CACNA1E: variants seen among roughly 807,000 people sequenced by gnomAD.
The protein encoded by CACNA1E is voltage-dependent R-type calcium channel subunit alpha-1E.
In CACNA1E, 40 loss-of-function variants were observed where a neutral mutation model predicts 259.2. That is an observed-to-expected ratio of 0.15 (90% CI 0.12 to 0.20). CACNA1E has a LOEUF of 0.20. Ranked by LOEUF, CACNA1E falls within the 10% of genes least tolerant of loss-of-function variation. The pLI is 1.00. For missense variants in CACNA1E, 1,874 were observed against 3,040.1 expected (o/e 0.62, Z 9.02); for synonymous variants, 1,104 against 1,138.5 (o/e 0.97, Z 0.61).
intron 26 of CACNA1E, among the ~76,000 whole-genome samples, chr1:181,751,060 G>A (rs1367672428): frequency 2.0e-5 from 3 of 152,094 alleles, no homozygotes; most frequent in Non-Finnish European, 4.4e-5. Flanking sequence ...CTGATGTTCT[G>A]GACCCCATTT....
In CACNA1E at chr1:181,525,080, G is replaced by A. The variant is rs142059011; in HGVS notation, c.512+13570G>A. On this transcript the variant is annotated intron_variant, in intron 3 of 47. Transcript: ENST00000367573. ...GATACCTGCCCCCAAGGAACTTTAA[G>A]TCTGATGTGTAGATAGTATATATAG... Among the ~76,000 whole-genome samples, 23 of 152,360 alleles carry A rather than the reference G, an allele frequency of 1.5e-4. No homozygotes were observed. In the East Asian group the frequency reaches 3.3e-3, roughly 22 times the overall value.
intron 7 of CACNA1E, among the ~76,000 whole-genome samples, chr1:181,660,900 G>A (rs1647598316): frequency 6.6e-6 from 1 of 152,220 alleles, no homozygotes; most frequent in East Asian, 1.9e-4. Flanking sequence ...CTAAGTACTT[G>A]TTGTATGTGA....
chr1:181,417,250 T>G (rs914422742), intron 2 of CACNA1E, among the ~76,000 whole-genome samples: 1 of 152,144 alleles, frequency 6.6e-6, no homozygotes, highest in Non-Finnish European at 1.5e-5. Context: ...AACTCCATCA[T>G]AAGCACCAAA....
chr1:181,795,316 A>G (rs1001313341), intron 46 of CACNA1E, among the ~76,000 whole-genome samples: 5 of 152,210 alleles, frequency 3.3e-5, no homozygotes, highest in Non-Finnish European at 7.3e-5. Context: ...GAGCTTTTCA[A>G]ATAGCCTTCT....
intron 1 of CACNA1E, among the ~76,000 whole-genome samples, chr1:181,379,873 G>C (rs1557955791): frequency 6.6e-6 from 1 of 151,620 alleles, no homozygotes; most frequent in Admixed American, 6.6e-5. Flanking sequence ...GAGGAACAGA[G>C]GTAAGGATGA....
At chr1:181,452,744 A>G (rs10752858) in intron 2 of CACNA1E, among the ~76,000 whole-genome samples, 64,758 of 152,132 alleles carry the variant, frequency 0.43, 15,272 homozygotes, top group African/African-American at 0.65. Context: ...TTAACCACAT[A>G]CAAGATCTAG....
intron 1 of CACNA1E, among the ~76,000 whole-genome samples, chr1:181,324,284 T>C (rs1483404162): frequency 1.3e-5 from 2 of 152,132 alleles, no homozygotes; most frequent in Non-Finnish European, 2.9e-5. Flanking sequence ...ATGAATGGCA[T>C]TTGGAGAATT....
At chr1:181,327,357 G>T (rs1037801567) in intron 1 of CACNA1E, among the ~76,000 whole-genome samples, 2 of 152,178 alleles carry the variant, frequency 1.3e-5, no homozygotes, top group African/African-American at 4.8e-5. Context: ...AGAAAGCAGG[G>T]AGTTGACGGA....
At chr1:181,365,295 G>A (rs1461581166) in intron 1 of CACNA1E, among the ~76,000 whole-genome samples, 1 of 152,308 alleles carries the variant, frequency 6.6e-6, no homozygotes, top group Admixed American at 6.5e-5. Flanking sequence ...AGCCTCCCAC[G>A]TAGGTGGGAC....
chr1:181,730,154 G>T (rs1655331212), intron 18 of CACNA1E, among the ~76,000 whole-genome samples: 1 of 152,220 alleles, frequency 6.6e-6, no homozygotes, highest in Non-Finnish European at 1.5e-5. Flanking sequence ...GGGCTCTTCT[G>T]CAGACATGTG....
chr1:181,724,342 T>C, intron 16 of CACNA1E, 128 bp from the exon 17 acceptor site: 1 of 684,150 alleles, frequency 1.5e-6, no homozygotes. Context: ...AGCCCCTGCT[T>C]AAGTGACTCT....
intron 38 of CACNA1E, among the ~76,000 whole-genome samples, chr1:181,780,351 A>G (rs1421597437): frequency 6.6e-6 from 1 of 152,180 alleles, no homozygotes; most frequent in East Asian, 1.9e-4. Flanking sequence ...CCCTGCTCAA[A>G]TCTGCCATAC....
intron 6 of CACNA1E, among the ~76,000 whole-genome samples, chr1:181,618,789 A>G (rs1486777364): frequency 6.6e-6 from 1 of 152,250 alleles, no homozygotes. Flanking sequence ...TGAGTAGTAC[A>G]GGGTAGGTGC....
intron 7 of CACNA1E, among the ~76,000 whole-genome samples, chr1:181,690,284 G>A (rs1357915463): frequency 6.6e-6 from 1 of 152,178 alleles, no homozygotes; most frequent in East Asian, 1.9e-4. Flanking sequence ...TCAGATGGTT[G>A]TAGATGTGTG....
At chr1:181,762,706 A>C (rs2102718899) in intron 33 of CACNA1E, 49 bp downstream of exon 33, 1 of 1,157,010 alleles carries the variant, frequency 8.6e-7, no homozygotes, top group African/African-American at 1.5e-5. Context: ...CTGGAGTAGC[A>C]TTTTTAAAAC....
intron 1 of CACNA1E, among the ~76,000 whole-genome samples, chr1:181,347,825 A>G (rs1652722754): frequency 6.6e-6 from 1 of 152,244 alleles, no homozygotes; most frequent in Non-Finnish European, 1.5e-5. Context: ...GTGCCCTATC[A>G]GGCTTCTGGT....
chr1:181,736,179 T>C (rs1656012694), intron 21 of CACNA1E, 96 bp from the exon 22 acceptor site: 1 of 1,445,854 alleles, frequency 6.9e-7, no homozygotes, highest in African/African-American at 1.4e-5. Context: ...CCTGGAGCCC[T>C]TTCTCCTCCT....
At chr1:181,362,953 G>A (rs1008903929) in intron 1 of CACNA1E, among the ~76,000 whole-genome samples, 18 of 152,186 alleles carry the variant, frequency 1.2e-4, no homozygotes, top group Admixed American at 1.0e-3. Flanking sequence ...GACAAGAGGC[G>A]TGGAGAGAGG....
At chr1:181,673,371 A>C (rs780441459) in intron 7 of CACNA1E, among the ~76,000 whole-genome samples, 1 of 152,168 alleles carries the variant, frequency 6.6e-6, no homozygotes, top group Non-Finnish European at 1.5e-5. Flanking sequence ...TAAGCACTCA[A>C]AGTGGGCACT....
Sources: allele counts gnomAD v4.1 joint callset (sites outside exome capture counted in the v4.1 genomes callset), GRCh38; gene constraint gnomAD v4.1.1; transcripts MANE v1.5; gene names NCBI Gene and HGNC (gene_info 2026-07-23, HGNC 2026-07-21).